The following VIPR2 variants were observed in gnomAD, a reference collection of about 807,000 sequenced individuals.
The protein encoded by VIPR2 is vasoactive intestinal peptide receptor 2.
Under a neutral mutation model 58.0 loss-of-function variants are expected in VIPR2, and 48 were observed. The observed-to-expected ratio is 0.83, with a 90% confidence interval of 0.66 to 1.05. The LOEUF (loss-of-function observed/expected upper bound fraction) is 1.05. VIPR2 is among the 50% of genes least tolerant of loss of function. The pLI is 0.00. For missense variants in VIPR2, 534 were observed against 558.0 expected (o/e 0.96, Z 0.43); for synonymous variants, 243 against 235.2 (o/e 1.03, Z -0.30).
In VIPR2 at chr7:159,035,145, G is replaced by A. The variant is rs564743674; in HGVS notation, c.810-495C>T. On this transcript the variant is annotated intron_variant, in intron 8 of 12. Coordinates refer to ENST00000262178, the MANE Select transcript of VIPR2 (RefSeq NM_003382.5). ...AGCTGTGACCCCTGGCTTGTAAAAC[G>A]CCTCAGTGATTCTCCCCAGGGTCCA... 6.6e-5 allele frequency among the ~76,000 whole-genome samples: 10 copies of A among 152,276 alleles called. No homozygotes were observed. In the East Asian group the frequency reaches 1.7e-3, roughly 26 times the overall value.
intron 3 of VIPR2, 50 bp downstream of exon 3, chr7:159,109,762 C>T: frequency 1.3e-6 from 2 of 1,545,698 alleles, no homozygotes; most frequent in East Asian, 2.2e-5. Context: ...AATGGACGCT[C>T]AGATGCAAAC....
chr7:159,042,904 C>G (rs1854433519), intron 6 of VIPR2, 131 bp downstream of exon 6: 1 of 1,268,770 alleles, frequency 7.9e-7, no homozygotes, highest in African/African-American at 1.6e-5. Context: ...CTGCCAGGCT[C>G]TCTGTTTCTC....
intron 4 of VIPR2, among the ~76,000 whole-genome samples, chr7:159,101,909 C>T (rs1367479335): frequency 6.2e-5 from 9 of 144,134 alleles, no homozygotes; most frequent in South Asian, 2.3e-4. Context: ...CGAGATCCGA[C>T]GAGGCGGTTC....
chr7:159,068,135 TGGCCTTAGATAC>T (rs760708180), intron 4 of VIPR2, among the ~76,000 whole-genome samples: 1 of 152,220 alleles, frequency 6.6e-6, no homozygotes, highest in Non-Finnish European at 1.5e-5. Flanking sequence ...TCCTAGAACC[TGGCCTTAGATAC>T]GAGTATTACT....
chr7:159,064,148 C>T (rs961969801), intron 4 of VIPR2, among the ~76,000 whole-genome samples: 5 of 151,804 alleles, frequency 3.3e-5, no homozygotes, highest in African/African-American at 9.7e-5. Flanking sequence ...TGGGTGGGCG[C>T]GGAGGGAGCA....
At chr7:159,101,543 GT>G (rs1858239617) in intron 4 of VIPR2, among the ~76,000 whole-genome samples, 1 of 132,226 alleles carries the variant, frequency 7.6e-6, no homozygotes, top group Non-Finnish European at 1.6e-5. Context: ...CGACGAGGCG[GT>G]TCCCCTGACT....
chr7:159,066,811 T>C (rs941393909), intron 4 of VIPR2, among the ~76,000 whole-genome samples: 4 of 152,244 alleles, frequency 2.6e-5, no homozygotes, highest in African/African-American at 7.2e-5. Context: ...AAAACTAAAT[T>C]TGTTAGTATA....
Position 159,097,435 on chromosome 7 carries a change from C to T in VIPR2, c.357+6322G>A, listed in dbSNP as rs1563322931. On this transcript the variant is annotated intron_variant, in intron 4 of 12. Transcript: ENST00000262178. This position sits in a 1 kb window ranked among gnomAD's most constrained non-coding sequence, Gnocchi z 5.3. ...ACGGGAGCCGGCCCCCTCGCGTGCCCACCACGGTGTGCTGCTGAGGCCATT... is the reference window on the plus strand; with the variant it reads ...ACGGGAGCCGGCCCCCTCGCGTGCCTACCACGGTGTGCTGCTGAGGCCATT... Among the ~76,000 whole-genome samples, 3 of 152,272 alleles carry T rather than the reference C, an allele frequency of 2.0e-5. No individual in the cohort carries two copies. Among genetic ancestry groups the T allele is most frequent in the East Asian group, 3.9e-4 (2 of 5,166 alleles).
Position 159,092,011 on chromosome 7 carries a change from G to T in VIPR2, c.357+11746C>A, listed in dbSNP as rs183828757. On this transcript the variant is annotated intron_variant, in intron 4 of 12. Coordinates refer to ENST00000262178, the MANE Select transcript of VIPR2 (RefSeq NM_003382.5). ...GGAGGCTGAGGCACGAGAATCGCTT[G>T]AACCTGGGAGGCGGAGGTTGCAGTG... Among the ~76,000 whole-genome samples, 737 of 152,350 alleles carry T rather than the reference G, an allele frequency of 4.8e-3. 6 individuals are homozygous for T. Among genetic ancestry groups the T allele is most frequent in the African/African-American group, 0.017 (703 of 41,588 alleles).
chr7:159,076,538 AT>A (rs1368572543), intron 4 of VIPR2, among the ~76,000 whole-genome samples: 1 of 152,206 alleles, frequency 6.6e-6, no homozygotes, highest in African/African-American at 2.4e-5. Context: ...CAAGTTTTGT[AT>A]TATTGTACCA....
At chr7:159,044,675 TAA>T (rs985157060) in intron 5 of VIPR2, among the ~76,000 whole-genome samples, 3 of 150,088 alleles carry the variant, frequency 2.0e-5, no homozygotes, top group Non-Finnish European at 4.4e-5. Flanking sequence ...ACAATATTGA[TAA>T]AAGAGATAGA....
chr7:159,060,178 C>CT (rs1456149576), intron 4 of VIPR2, among the ~76,000 whole-genome samples: 3 of 151,336 alleles, frequency 2.0e-5, no homozygotes, highest in African/African-American at 7.3e-5. Flanking sequence ...CACCTAACCA[C>CT]TAACTTCACC....
At chr7:159,079,440 A>T (rs1182446371) in intron 4 of VIPR2, among the ~76,000 whole-genome samples, 1 of 152,210 alleles carries the variant, frequency 6.6e-6, no homozygotes, top group African/African-American at 2.4e-5. Flanking sequence ...AAGACACAAC[A>T]TACCAGAATC....
At chr7:159,045,725 T>TTATG (rs1854604493) in intron 5 of VIPR2, among the ~76,000 whole-genome samples, 1 of 152,130 alleles carries the variant, frequency 6.6e-6, no homozygotes, top group Non-Finnish European at 1.5e-5. Context: ...TCTTATGTTC[T>TTATG]TATGTATGAT....
intron 1 of VIPR2, chr7:159,144,275 G>A (rs1272494319): frequency 1.5e-6 from 2 of 1,339,692 alleles, no homozygotes; most frequent in African/African-American, 1.5e-5. Flanking sequence ...CCGACGCCAC[G>A]TCCCCCCGAC....
rs1221449331 is a variant in VIPR2, at chr7:159,098,941, C to T, written c.357+4816G>A. Reference sequence around the variant, plus strand: ...CTGTTCAGTTCAGCTCCCAGGCAGCCCTGCGCTCGCCGGTGGGCAGAGCCG... The same window carrying T: ...CTGTTCAGTTCAGCTCCCAGGCAGCTCTGCGCTCGCCGGTGGGCAGAGCCG... On this transcript the variant is annotated intron_variant, in intron 4 of 12. Coordinates refer to ENST00000262178, the MANE Select transcript of VIPR2 (RefSeq NM_003382.5). The surrounding 1 kb of genome is among the most constrained non-coding windows in gnomAD (Gnocchi z 5.2). Among the ~76,000 whole-genome samples the T allele has an allele frequency of 6.6e-6, 1 of 152,188 alleles. No homozygotes were observed. Among genetic ancestry groups the T allele is most frequent in the East Asian group, 1.9e-4 (1 of 5,166 alleles).
At chr7:159,131,241 C>T (rs897154680) in intron 2 of VIPR2, among the ~76,000 whole-genome samples, 11 of 152,156 alleles carry the variant, frequency 7.2e-5, no homozygotes, top group African/African-American at 1.2e-4. Context: ...AAATGGAAAA[C>T]CTTATCTCCT....
intron 4 of VIPR2, among the ~76,000 whole-genome samples, chr7:159,072,787 T>C (rs1856472944): frequency 6.6e-6 from 1 of 152,098 alleles, no homozygotes; most frequent in African/African-American, 2.4e-5. Context: ...CCTAATAGAG[T>C]AGATTATTTA....
At chr7:159,112,770 A>G (rs1796081912) in intron 2 of VIPR2, among the ~76,000 whole-genome samples, 1 of 140,996 alleles carries the variant, frequency 7.1e-6, no homozygotes, top group Non-Finnish European at 1.5e-5. Context: ...AAGGAGGCTC[A>G]TGGCGCCTGC....
Sources: gnomAD v4.1 joint callset for allele counts (sites outside exome capture counted in the v4.1 genomes callset) on GRCh38, gnomAD v4.1.1 for gene constraint, Gnocchi (gnomAD v3.1) non-coding constraint, MANE v1.5 for transcripts, NCBI Gene and HGNC (gene_info 2026-07-23, HGNC 2026-07-21) for gene names.